Variants in VWC2L observed in about 807,000 individuals in gnomAD.
VWC2L encodes the protein von Willebrand factor C domain-containing protein 2-like.
Under a neutral mutation model 21.6 loss-of-function variants are expected in VWC2L, and 10 were observed. The ratio of observed to expected loss-of-function variants is 0.46; its 90% CI spans 0.29 to 0.78. The LOEUF (loss-of-function observed/expected upper bound fraction) is 0.78, where lower values mean the gene tolerates loss of function less well. VWC2L is among the 30% of genes least tolerant of loss of function. The pLI, the probability that VWC2L is intolerant of heterozygous loss-of-function variation, is 0.10. For synonymous variants in VWC2L, 96 were observed against 94.3 expected (o/e 1.02, Z -0.10); for missense variants, 209 against 277.1 (o/e 0.75, Z 1.74).
chr2:214,419,692 A>T (rs939862042), intron 2 of VWC2L, among the ~76,000 whole-genome samples: 2 of 152,200 alleles, frequency 1.3e-5, no homozygotes, highest in African/African-American at 4.8e-5. Flanking sequence ...AAGACAGTGG[A>T]CCAGGTCTCT....
At chr2:214,553,856 T>C (rs891621259) in intron 3 of VWC2L, among the ~76,000 whole-genome samples, 5 of 152,072 alleles carry the variant, frequency 3.3e-5, no homozygotes, top group African/African-American at 1.2e-4. Flanking sequence ...TCATTTTTGG[T>C]TTACAGCACA....
intron 2 of VWC2L, among the ~76,000 whole-genome samples, chr2:214,428,814 CAAAAAAA>C (rs11431112): frequency 3.1e-5 from 3 of 98,336 alleles, no homozygotes; most frequent in Non-Finnish European, 4.3e-5. Context: ...CAGACAGTGG[CAAAAAAA>C]AAAAAAAAAA....
intron 3 of VWC2L, among the ~76,000 whole-genome samples, chr2:214,446,140 G>C (rs1049776393): frequency 2.6e-5 from 4 of 152,172 alleles, no homozygotes; most frequent in African/African-American, 9.7e-5. Context: ...TAGACAATTA[G>C]TGATAAGCAT....
intron 3 of VWC2L, among the ~76,000 whole-genome samples, chr2:214,439,363 T>C (rs767591818): frequency 6.6e-6 from 1 of 152,046 alleles, no homozygotes; most frequent in Non-Finnish European, 1.5e-5. Context: ...TTATTAACTA[T>C]AACCATAATA....
At chr2:214,457,971 C>A (rs897647488) in intron 3 of VWC2L, among the ~76,000 whole-genome samples, 4 of 152,050 alleles carry the variant, frequency 2.6e-5, no homozygotes, top group Non-Finnish European at 5.9e-5. Flanking sequence ...CAGGGTGATG[C>A]TGGCTTCAGG....
At chr2:214,540,264 A>C (rs1307975917) in intron 3 of VWC2L, among the ~76,000 whole-genome samples, 1 of 152,170 alleles carries the variant, frequency 6.6e-6, no homozygotes, top group Non-Finnish European at 1.5e-5. Flanking sequence ...ATTTTATGGA[A>C]TCTTCATGTG....
At chr2:214,563,578 A>AAAAAAAAAAAAAAAAAG (rs1229933171) in intron 3 of VWC2L, among the ~76,000 whole-genome samples, 3 of 133,532 alleles carry the variant, frequency 2.2e-5, no homozygotes, top group African/African-American at 2.8e-5. Flanking sequence ...AAAAAAAAAA[A>AAAAAAAAAAAAAAAAAG]AAATCAAGTG....
chr2:214,571,845 G>A (rs1690154539), intron 3 of VWC2L, among the ~76,000 whole-genome samples: 1 of 151,950 alleles, frequency 6.6e-6, no homozygotes, highest in African/African-American at 2.4e-5. Context: ...GGAGTGCACT[G>A]ACACAACCTT....
chr2:214,561,766 A>G (rs1012668892), intron 3 of VWC2L, among the ~76,000 whole-genome samples: 4 of 147,470 alleles, frequency 2.7e-5, no homozygotes, highest in Non-Finnish European at 4.5e-5. Flanking sequence ...CCAGAGTAAT[A>G]CCTTATCTCA....
chr2:214,476,897 G>A (rs918999555), intron 3 of VWC2L, among the ~76,000 whole-genome samples: 4 of 152,176 alleles, frequency 2.6e-5, no homozygotes, highest in African/African-American at 9.7e-5. Context: ...CCAATTTGCG[G>A]TGTAGCTGAT....
rs929395949 is a variant in VWC2L, at chr2:214,577,741, C to G, written c.*1921C>G. ...TGGTTTTTCATTTAAAATTGTCAGC[C>G]TCTCCTCCCTGGAAGCATCTGCTGT... On this transcript the variant is annotated 3_prime_UTR_variant, in exon 4 of 4. Transcript: ENST00000312504. 6.6e-6 allele frequency: 1 copy of G among 152,170 alleles called. No individual in the cohort carries two copies. The highest frequency in any genetic ancestry group is 1.5e-5 in the Non-Finnish European group (1 of 68,056). The allele number at this position is 152,170 out of a possible 1,614,324, so 9.4% of individuals were successfully genotyped here. A position where few individuals can be genotyped will look rare whatever the true frequency, so the allele number is the denominator to read the frequency against.
chr2:214,557,098 A>C (rs1235665655), intron 3 of VWC2L, among the ~76,000 whole-genome samples: 1 of 152,088 alleles, frequency 6.6e-6, no homozygotes, highest in Admixed American at 6.5e-5. Flanking sequence ...AATAATGACT[A>C]TTTGCCTCAG....
chr2:214,472,671 T>A (rs753823874), intron 3 of VWC2L, among the ~76,000 whole-genome samples: 8 of 152,218 alleles, frequency 5.3e-5, no homozygotes, highest in Non-Finnish European at 1.0e-4. Flanking sequence ...ATCCAATAGA[T>A]TGGCATAGCA....
At chr2:214,567,595 C>CACACAGAG (rs1553602423) in intron 3 of VWC2L, among the ~76,000 whole-genome samples, 22 of 135,396 alleles carry the variant, frequency 1.6e-4, no homozygotes, top group African/African-American at 6.8e-4. Flanking sequence ...CACACACACA[C>CACACAGAG]AGAGAGAGAG....
At chr2:214,479,203 T>C (rs1179102563) in intron 3 of VWC2L, among the ~76,000 whole-genome samples, 1 of 152,220 alleles carries the variant, frequency 6.6e-6, no homozygotes, top group African/African-American at 2.4e-5. Context: ...TGATATCATG[T>C]CATTTATAAA....
At chr2:214,520,058 T>TACACATACACAC (rs1689208050) in intron 3 of VWC2L, among the ~76,000 whole-genome samples, 1 of 143,152 alleles carries the variant, frequency 7.0e-6, no homozygotes, top group Non-Finnish European at 1.5e-5. Context: ...GCTCCTGTTA[T>TACACATACACAC]ACACACACAC....
chr2:214,497,852 C>G (rs563270040), intron 3 of VWC2L, among the ~76,000 whole-genome samples: 2 of 152,330 alleles, frequency 1.3e-5, no homozygotes, highest in African/African-American at 4.8e-5. Context: ...CATCTTTCAA[C>G]AATGATAGTA....
intron 3 of VWC2L, among the ~76,000 whole-genome samples, chr2:214,451,957 G>A (rs1249517312): frequency 1.3e-5 from 2 of 152,050 alleles, no homozygotes; most frequent in East Asian, 3.9e-4. Context: ...TCATAATCAA[G>A]ATAATACACA....
chr2:214,523,721 T>C (rs1483509003), intron 3 of VWC2L, among the ~76,000 whole-genome samples: 1 of 152,020 alleles, frequency 6.6e-6, no homozygotes, highest in African/African-American at 2.4e-5. Context: ...CCACTGTAAT[T>C]ACTCGGGAGG....
Sources: gnomAD v4.1 joint callset for allele counts (sites outside exome capture counted in the v4.1 genomes callset) on GRCh38, gnomAD v4.1.1 for gene constraint, MANE v1.5 for transcripts, NCBI Gene and HGNC (gene_info 2026-07-23, HGNC 2026-07-21) for gene names.